The following COLEC12 variants were observed in gnomAD, a reference collection of about 807,000 sequenced individuals.
COLEC12 encodes collectin-12.
Under a neutral mutation model 71.1 loss-of-function variants are expected in COLEC12, and 33 were observed. That is an observed-to-expected ratio of 0.46 (90% CI 0.35 to 0.62). The LOEUF is 0.62. Among genes scored for constraint, COLEC12 ranks in the 20% least tolerant of loss-of-function variants. The pLI, the probability that COLEC12 is intolerant of heterozygous loss-of-function variation, is 0.00. For missense variants in COLEC12, 765 were observed against 916.1 expected (o/e 0.84, Z 2.13); for synonymous variants, 350 against 353.0 (o/e 0.99, Z 0.10).
chr18:489,140 G>C (rs1391627082), intron 1 of COLEC12, among the ~76,000 whole-genome samples: 1 of 151,920 alleles, frequency 6.6e-6, no homozygotes, highest in African/African-American at 2.4e-5. Context: ...CTTCCAGACA[G>C]AGGAAAAAAA....
intron 2 of COLEC12, among the ~76,000 whole-genome samples, chr18:367,173 T>C (rs957025050): frequency 1.3e-5 from 2 of 152,114 alleles, no homozygotes; most frequent in African/African-American, 4.8e-5. Flanking sequence ...TTACAAAGTG[T>C]CATTTGGGGG....
In COLEC12 at chr18:455,277, GCTT is replaced by G. The variant is rs1423653475; in HGVS notation, c.58+25427_58+25429del. ...TTATTTTTGTTTTGTTTTATTTTACGCTTTTTTTTTTTTTTTTTGAGACAGAGT... is the reference window on the plus strand; with the variant it reads ...TTATTTTTGTTTTGTTTTATTTTACGTTTTTTTTTTTTTTTGAGACAGAGT... On this transcript the variant is annotated intron_variant, in intron 2 of 9. Coordinates refer to ENST00000400256, the MANE Select transcript of COLEC12 (RefSeq NM_130386.3). Among the ~76,000 whole-genome samples, 4 of 141,798 alleles carry G rather than the reference GCTT, an allele frequency of 2.8e-5. No homozygotes were observed. In the East Asian group the frequency reaches 8.5e-4, roughly 30 times the overall value. 93.0% of individuals were successfully genotyped at this position (141,798 alleles called of 152,430 possible).
chr18:383,804 AGAAAG>A (rs1200676196), intron 2 of COLEC12, among the ~76,000 whole-genome samples: 1 of 152,192 alleles, frequency 6.6e-6, no homozygotes, highest in Non-Finnish European at 1.5e-5. Flanking sequence ...TATAAAGGAA[AGAAAG>A]GAAAGAGGTA....
At chr18:404,705 T>C (rs1006786270) in intron 2 of COLEC12, among the ~76,000 whole-genome samples, 3 of 152,228 alleles carry the variant, frequency 2.0e-5, no homozygotes, top group African/African-American at 7.2e-5. Flanking sequence ...GTTATCTTCA[T>C]AAGCTGAGGA....
intron 8 of COLEC12, among the ~76,000 whole-genome samples, chr18:329,033 T>C (rs1380786261): frequency 6.6e-6 from 1 of 152,150 alleles, no homozygotes; most frequent in Non-Finnish European, 1.5e-5. Context: ...GTGGCTGGGG[T>C]GCAGAAGCTG....
intron 6 of COLEC12, chr18:333,403 C>T (rs1914029517): frequency 3.1e-6 from 1 of 323,718 alleles, no homozygotes; most frequent in East Asian, 5.5e-5. Context: ...GATCCGTCTT[C>T]ACAATGACAG....
At chr18:430,175 T>G (rs1403267475) in intron 2 of COLEC12, among the ~76,000 whole-genome samples, 1 of 152,118 alleles carries the variant, frequency 6.6e-6, no homozygotes. Flanking sequence ...CTGTCCCTAC[T>G]GAATACAAAA....
intron 2 of COLEC12, among the ~76,000 whole-genome samples, chr18:361,715 C>G (rs1459939667): frequency 6.6e-6 from 1 of 152,198 alleles, no homozygotes; most frequent in Non-Finnish European, 1.5e-5. Flanking sequence ...AGACACGCCA[C>G]ATTCCATGCT....
chr18:450,910 A>C (rs1192733232), intron 2 of COLEC12, among the ~76,000 whole-genome samples: 1 of 143,150 alleles, frequency 7.0e-6, no homozygotes, highest in Non-Finnish European at 1.6e-5. Context: ...ACTGGAGTAA[A>C]GGCCACTTTT....
Position 346,806 on chromosome 18 carries a change from G to T in COLEC12, c.816C>A (p.Asn272Lys). 6.2e-7 allele frequency: 1 copy of T among 1,614,214 alleles called. No individual in the cohort carries two copies. Among genetic ancestry groups the T allele is most frequent in the Non-Finnish European group, 8.5e-7 (1 of 1,179,994 alleles). Reference protein sequence around the residue: ...VQSLQTLAANNSALAKANNDT... With the variant: ...VQSLQTLAANKSALAKANNDT... Reference sequence around the variant, plus strand: ...CGTTGTTGGCTTTGGCCAACGCAGAGTTGTTGGCAGCCAGCGTCTGCAAGC... The same window carrying T: ...CGTTGTTGGCTTTGGCCAACGCAGATTTGTTGGCAGCCAGCGTCTGCAAGC... The change falls in exon 5 of 10, where the codon AAC becomes AAA. Residue 272 changes from asparagine to lysine, a missense_variant. By Grantham distance (94) the Asn-to-Lys change is moderately conservative (BLOSUM62 0). Transcript: ENST00000400256. This position sits in a 1 kb window ranked among gnomAD's most constrained non-coding sequence, Gnocchi z 4.0.
chr18:491,222 T>A (rs1441378681), intron 1 of COLEC12, among the ~76,000 whole-genome samples: 1 of 152,234 alleles, frequency 6.6e-6, no homozygotes, highest in Non-Finnish European at 1.5e-5. Flanking sequence ...GTTGCTTTCA[T>A]ATGGGAATGG....
intron 2 of COLEC12, among the ~76,000 whole-genome samples, chr18:446,244 G>GTA (rs34430904): frequency 1.4e-4 from 21 of 151,390 alleles, no homozygotes; most frequent in African/African-American, 2.9e-4. Context: ...TCTCCTTGGT[G>GTA]TATATATATA....
At chr18:342,829 T>C (rs1432626972) in intron 5 of COLEC12, among the ~76,000 whole-genome samples, 4 of 152,224 alleles carry the variant, frequency 2.6e-5, no homozygotes, top group South Asian at 2.1e-4. Context: ...ATAAATGTGA[T>C]AGTGTCTCTG....
chr18:421,592 A>G (rs1916099781), intron 2 of COLEC12, among the ~76,000 whole-genome samples: 1 of 152,206 alleles, frequency 6.6e-6, no homozygotes, highest in Non-Finnish European at 1.5e-5. Context: ...TTAGAAAGTC[A>G]GTGGCTTAAA....
At chr18:355,121 T>G (rs144611486) in intron 3 of COLEC12, among the ~76,000 whole-genome samples, 47 of 152,240 alleles carry the variant, frequency 3.1e-4, no homozygotes, top group African/African-American at 1.1e-3. Context: ...TGAACTTTCC[T>G]GGGCAATGGT....
intron 4 of COLEC12, 69 bp from the exon 5 acceptor site, chr18:347,410 C>T (rs577627397): frequency 4.8e-5 from 63 of 1,305,492 alleles, no homozygotes; most frequent in African/African-American, 1.8e-4. Flanking sequence ...CCAAAGATCC[C>T]GAACACACTT....
intron 2 of COLEC12, among the ~76,000 whole-genome samples, chr18:419,441 G>A (rs1378649027): frequency 6.6e-5 from 10 of 152,180 alleles, no homozygotes; most frequent in Non-Finnish European, 1.2e-4. Flanking sequence ...CCTGACCTCA[G>A]GTGATCTGCC....
rs1274941683 is a variant in COLEC12, at chr18:340,083, A to AC, written c.1328-4854_1328-4853insG. ...CCTTAGTGCCTGAAAGCAAAAAAAA[A>AC]AAAAAAAACAAAAAGAACAGAGTGT... On this transcript the variant is annotated intron_variant, in intron 5 of 9. Transcript: ENST00000400256. 3.3e-4 allele frequency among the ~76,000 whole-genome samples: 50 copies of AC among 151,360 alleles called. 1 individual carries two copies. The highest frequency in any genetic ancestry group is 1.1e-3 in the African/African-American group (47 of 41,364).
intron 2 of COLEC12, among the ~76,000 whole-genome samples, chr18:466,810 T>G (rs2846667): frequency 0.77 from 117,217 of 152,050 alleles, 45,404 homozygotes; most frequent in East Asian, 0.98. Context: ...TGCTCACTCT[T>G]TTATTCCTAA....
Sources: gnomAD v4.1 joint callset for allele counts (sites outside exome capture counted in the v4.1 genomes callset) on GRCh38, gnomAD v4.1.1 for gene constraint, Gnocchi (gnomAD v3.1) non-coding constraint, MANE v1.5 for transcripts, NCBI Gene and HGNC (gene_info 2026-07-23, HGNC 2026-07-21) for gene names.